The following BCL2L11 variants were observed in gnomAD, a reference collection of about 807,000 sequenced individuals.
BCL2L11 encodes the protein BCL2 like 11, also known as bcl-2-like protein 11.
A neutral mutation model predicts 20.6 loss-of-function variants in BCL2L11; 15 were observed. The observed-to-expected ratio is 0.73, with a 90% confidence interval of 0.49 to 1.12. The LOEUF is 1.12. BCL2L11 is among the 50% of genes most tolerant of loss of function. The pLI is 0.00. For missense variants in BCL2L11, 292 were observed against 260.9 expected, an observed-to-expected ratio of 1.12 and a Z score of -0.82; for synonymous variants, 108 against 92.8, an observed-to-expected ratio of 1.16 and a Z score of -0.94.
intron 3 of BCL2L11, among the ~76,000 whole-genome samples, chr2:111,158,225 A>G (rs926757537): frequency 5.3e-5 from 8 of 152,162 alleles, no homozygotes; most frequent in African/African-American, 1.4e-4. Flanking sequence ...TGTGTCACTT[A>G]GTTGCCAGTT....
At chr2:111,141,451 G>A (rs1173947213) in intron 2 of BCL2L11, among the ~76,000 whole-genome samples, 1 of 147,822 alleles carries the variant, frequency 6.8e-6, no homozygotes, top group Non-Finnish European at 1.5e-5. Flanking sequence ...ACTCATAGGT[G>A]GGAATTGAAC....
At position 111,128,023 on chromosome 2, in the gene BCL2L11, T is replaced by G. The variant is rs570833704; in HGVS notation, c.394+3884T>G. ...TGTTCAGTAGTGTTAAGTGCACTTA[T>G]TTTGTTGTGCGGCCAATCTCCAGAA... is the stretch of plus-strand genomic sequence containing the variant. On this transcript the variant is annotated intron_variant, in intron 2 of 3. Transcript: ENST00000393256. Among the ~76,000 whole-genome samples, 3 of 152,206 alleles carry G rather than the reference T, an allele frequency of 2.0e-5. 1 individual carries two copies. In the South Asian group the frequency reaches 6.2e-4, roughly 32 times the overall value.
chr2:111,129,862 T>C (rs1356089626), intron 2 of BCL2L11, among the ~76,000 whole-genome samples: 2 of 152,262 alleles, frequency 1.3e-5, no homozygotes, highest in Non-Finnish European at 2.9e-5. Flanking sequence ...AGTGTAATCA[T>C]ACTGTATGTG....
Position 111,161,418 on chromosome 2 carries a change from G to C in BCL2L11, c.499-2715G>C, listed in dbSNP as rs756339893. 2.3e-5 allele frequency: 35 copies of C among 1,550,528 alleles called. No homozygotes were observed. In the South Asian group the frequency reaches 4.2e-4, roughly 18 times the overall value. On this transcript the variant is annotated intron_variant, in intron 3 of 3. Transcript: ENST00000393256. The stretch of plus-strand genomic sequence containing the variant: ...AACTTAAATGCACTTTTGATTCACA[G>C]ATGCCTCTTCCACCTGATTAAGAAC...
At chr2:111,141,683 A>C (rs535063483) in intron 2 of BCL2L11, among the ~76,000 whole-genome samples, 7 of 146,242 alleles carry the variant, frequency 4.8e-5, no homozygotes, top group Admixed American at 3.4e-4. Flanking sequence ...TAATAATAAT[A>C]ATCCCAATTC....
intron 2 of BCL2L11, among the ~76,000 whole-genome samples, chr2:111,136,750 T>TA (rs1377412649): frequency 6.6e-6 from 1 of 152,170 alleles, no homozygotes; most frequent in Non-Finnish European, 1.5e-5. Context: ...CCCCACCTCC[T>TA]AACACCCATC....
intron 3 of BCL2L11, among the ~76,000 whole-genome samples, chr2:111,161,204 A>G (rs994712330): frequency 1.3e-5 from 2 of 152,218 alleles, no homozygotes; most frequent in Admixed American, 6.5e-5. Flanking sequence ...CCGGGGGGTT[A>G]GGACTGCAAC....
intron 3 of BCL2L11, chr2:111,161,670 G>GGGA: frequency 6.7e-6 from 8 of 1,186,260 alleles, no homozygotes; most frequent in Non-Finnish European, 9.1e-6. Flanking sequence ...TGCAATACAG[G>GGGA]GATTGTCATC....
At chr2:111,152,755 C>G (rs1312226496) in intron 3 of BCL2L11, among the ~76,000 whole-genome samples, 2 of 152,220 alleles carry the variant, frequency 1.3e-5, no homozygotes, top group Non-Finnish European at 2.9e-5. Context: ...GCCTGCCTCC[C>G]CTCCTCTTCT....
intron 1 of BCL2L11, among the ~76,000 whole-genome samples, chr2:111,121,525 G>T (rs1574833801): frequency 6.6e-6 from 1 of 152,210 alleles, no homozygotes; most frequent in African/African-American, 2.4e-5. Context: ...GGGAGCTGAG[G>T]ACCTGCTCGT....
intron 2 of BCL2L11, among the ~76,000 whole-genome samples, chr2:111,148,350 T>TG (rs2076831088): frequency 1.3e-5 from 2 of 152,206 alleles, no homozygotes; most frequent in Admixed American, 6.5e-5. Flanking sequence ...ACTAACTTGT[T>TG]AAAAGCTTCT....
intron 3 of BCL2L11, among the ~76,000 whole-genome samples, chr2:111,156,638 G>A (rs552918217): frequency 3.3e-5 from 5 of 152,170 alleles, no homozygotes; most frequent in African/African-American, 9.6e-5. Flanking sequence ...CCAAACAAGC[G>A]CGTTCTGTTA....
intron 2 of BCL2L11, among the ~76,000 whole-genome samples, chr2:111,126,080 A>G (rs938952366): frequency 6.6e-6 from 1 of 152,124 alleles, no homozygotes; most frequent in Admixed American, 6.5e-5. Flanking sequence ...TATTTTCTCT[A>G]ACCAGTTCCC....
At chr2:111,127,792 A>G (rs899029754) in intron 2 of BCL2L11, among the ~76,000 whole-genome samples, 2 of 152,134 alleles carry the variant, frequency 1.3e-5, no homozygotes, top group African/African-American at 4.8e-5. Flanking sequence ...ACATAGGACT[A>G]GTCTGAACTG....
intron 2 of BCL2L11, among the ~76,000 whole-genome samples, chr2:111,144,144 T>C (rs1038331340): frequency 3.9e-5 from 6 of 152,254 alleles, no homozygotes; most frequent in African/African-American, 1.4e-4. Context: ...TAGTATTTTA[T>C]CCTAGCAGCT....
chr2:111,157,081 C>T (rs2077956584), intron 3 of BCL2L11, among the ~76,000 whole-genome samples: 1 of 152,174 alleles, frequency 6.6e-6, no homozygotes, highest in South Asian at 2.1e-4. Flanking sequence ...GCTGGATGGG[C>T]ATCGGGCTAA....
At chr2:111,126,375 A>G (rs1254521289) in intron 2 of BCL2L11, among the ~76,000 whole-genome samples, 1 of 152,160 alleles carries the variant, frequency 6.6e-6, no homozygotes, top group Non-Finnish European at 1.5e-5. Context: ...CTGAGGTGTA[A>G]TTTTATAGTA....
chr2:111,123,638 C>T (rs2071764382), intron 1 of BCL2L11, 95 bp from the exon 2 acceptor site: 1 of 1,259,918 alleles, frequency 7.9e-7, no homozygotes, highest in African/African-American at 1.5e-5. Flanking sequence ...TGGGATTAAC[C>T]CTAAGAATTT....
chr2:111,147,346 T>TCTCTCTCTCTCTCTCTCA (rs760779894), intron 2 of BCL2L11, among the ~76,000 whole-genome samples: 2 of 137,412 alleles, frequency 1.5e-5, no homozygotes, highest in Non-Finnish European at 3.1e-5. Flanking sequence ...TCTCTCTCTC[T>TCTCTCTCTCTCTCTCTCA]CACACACACA....
Sources: allele counts gnomAD v4.1 joint callset (sites outside exome capture counted in the v4.1 genomes callset), GRCh38; gene constraint gnomAD v4.1.1; transcripts MANE v1.5; gene names NCBI Gene and HGNC (gene_info 2026-07-23, HGNC 2026-07-21).